Variants in BBS9 observed in about 807,000 individuals in gnomAD.
BBS9 encodes protein PTHB1.
In BBS9, 89 loss-of-function variants were observed where a neutral mutation model predicts 117.7. The ratio of observed to expected loss-of-function variants is 0.76; its 90% CI spans 0.64 to 0.90. The LOEUF (loss-of-function observed/expected upper bound fraction) is 0.90. BBS9 is among the 40% of genes least tolerant of loss of function. The pLI is 0.00. For missense variants in BBS9, 982 were observed against 1,042.2 expected, an observed-to-expected ratio of 0.94 and a Z score of 0.80; for synonymous variants, 379 against 370.9, an observed-to-expected ratio of 1.02 and a Z score of -0.25.
chr7:33,171,759 A>G (rs950299543), intron 4 of BBS9, among the ~76,000 whole-genome samples: 2 of 152,254 alleles, frequency 1.3e-5, no homozygotes, highest in African/African-American at 4.8e-5. Context: ...TTTTATGATT[A>G]TTATTTAATT....
chr7:33,348,791 G>A (rs1818075203), intron 12 of BBS9, among the ~76,000 whole-genome samples: 1 of 152,078 alleles, frequency 6.6e-6, no homozygotes, highest in Admixed American at 6.6e-5. Flanking sequence ...GTGGTTTTTA[G>A]TTTGTATCTC....
At chr7:33,612,231 A>G (rs1021653403) in intron 21 of BBS9, among the ~76,000 whole-genome samples, 3 of 152,044 alleles carry the variant, frequency 2.0e-5, no homozygotes, top group South Asian at 4.1e-4. Context: ...TATGGTGTGT[A>G]ATACTCATCT....
chr7:33,532,430 G>A (rs1304987451), intron 20 of BBS9, among the ~76,000 whole-genome samples: 1 of 152,168 alleles, frequency 6.6e-6, no homozygotes, highest in Non-Finnish European at 1.5e-5. Flanking sequence ...AGGTTTAATT[G>A]ACTCACAGTT....
chr7:33,224,220 G>A (rs1008978103), intron 5 of BBS9, among the ~76,000 whole-genome samples: 2 of 151,854 alleles, frequency 1.3e-5, no homozygotes, highest in African/African-American at 2.4e-5. Flanking sequence ...CCAAAACAAT[G>A]TTGTCAGGTC....
Position 33,536,681 on chromosome 7 carries a change from T to TCCCCCCGCCCCCCGCCTC in BBS9, c.2521+2511_2521+2528dup, listed in dbSNP as rs1851452650. ...TGTAAGCTGTTCTGTGATTCGGCCT[T>TCCCCCCGCCCCCCGCCTC]CCCCCCGCCCCCCGCCTCCCCCCAC... On this transcript the variant is annotated intron_variant, in intron 21 of 22. Transcript: ENST00000242067. Among the ~76,000 whole-genome samples, 162 of 44,232 alleles carry TCCCCCCGCCCCCCGCCTC rather than the reference T, an allele frequency of 3.7e-3. 4 individuals carry two copies. Among genetic ancestry groups the TCCCCCCGCCCCCCGCCTC allele is most frequent in the African/African-American group, 0.012 (130 of 10,684 alleles). The allele number at this position is 44,232 out of a possible 152,430, so 29.0% of individuals were successfully genotyped here.
At chr7:33,148,459 TTCA>T (rs1792768822) in intron 2 of BBS9, among the ~76,000 whole-genome samples, 1 of 152,020 alleles carries the variant, frequency 6.6e-6, no homozygotes, top group African/African-American at 2.4e-5. Flanking sequence ...ACCTCCCGGG[TTCA>T]AGCAATTCTC....
intron 19 of BBS9, among the ~76,000 whole-genome samples, chr7:33,425,752 A>G (rs1021944121): frequency 3.3e-5 from 5 of 152,176 alleles, no homozygotes; most frequent in Admixed American, 2.6e-4. Context: ...CAGAGATGCT[A>G]TTGTCTTACT....
intron 9 of BBS9, among the ~76,000 whole-genome samples, chr7:33,304,446 T>G (rs1401750362): frequency 3.3e-5 from 4 of 121,612 alleles, no homozygotes; most frequent in African/African-American, 1.3e-4. Flanking sequence ...AATTGAGGAG[T>G]GCCTCTGCCC....
At chr7:33,137,727 G>A (rs1040778329) in intron 1 of BBS9, among the ~76,000 whole-genome samples, 46 of 152,114 alleles carry the variant, frequency 3.0e-4, no homozygotes, top group African/African-American at 1.1e-3. Context: ...AGCCCAAATT[G>A]TTGTTTTTTT....
intron 21 of BBS9, among the ~76,000 whole-genome samples, chr7:33,617,992 T>A (rs1159592367): frequency 6.6e-6 from 1 of 152,130 alleles, no homozygotes; most frequent in African/African-American, 2.4e-5. Context: ...TGGGAGTTCA[T>A]CACTACTAGA....
At chr7:33,373,012 A>T (rs1399994779) in intron 17 of BBS9, among the ~76,000 whole-genome samples, 5 of 151,660 alleles carry the variant, frequency 3.3e-5, no homozygotes, top group Non-Finnish European at 7.4e-5. Context: ...TTTTTCTTTT[A>T]TTTGAGTCTT....
chr7:33,436,555 A>G (rs151192115), intron 19 of BBS9, among the ~76,000 whole-genome samples: 63 of 152,312 alleles, frequency 4.1e-4, no homozygotes, highest in Non-Finnish European at 6.3e-4. Flanking sequence ...TTGTTTTTCA[A>G]GTTCAAACCA....
chr7:33,301,633 T>C (rs1806468888), intron 9 of BBS9, among the ~76,000 whole-genome samples: 2 of 152,158 alleles, frequency 1.3e-5, no homozygotes, highest in Admixed American at 6.5e-5. Context: ...AATAATAATA[T>C]TCTATTGTGT....
intron 9 of BBS9, among the ~76,000 whole-genome samples, chr7:33,284,416 G>A (rs1306849319): frequency 6.6e-6 from 1 of 152,020 alleles, no homozygotes; most frequent in Non-Finnish European, 1.5e-5. Flanking sequence ...CCTGATTTTT[G>A]TTTTGTTGTA....
downstream of BBS9, among the ~76,000 whole-genome samples, chr7:33,610,901 A>G (rs965019907): frequency 6.6e-6 from 1 of 152,076 alleles, no homozygotes; most frequent in Non-Finnish European, 1.5e-5. Context: ...TTGTGGAGAG[A>G]TGTTTCACCT....
intron 19 of BBS9, among the ~76,000 whole-genome samples, chr7:33,489,838 A>G (rs1316802758): frequency 6.6e-6 from 1 of 152,192 alleles, no homozygotes; most frequent in Non-Finnish European, 1.5e-5. Flanking sequence ...TTCTATCCCC[A>G]GAATTAAAAT....
chr7:33,627,259 A>G (rs1452144910), intron 21 of BBS9, among the ~76,000 whole-genome samples: 1 of 152,238 alleles, frequency 6.6e-6, no homozygotes, highest in Non-Finnish European at 1.5e-5. Flanking sequence ...TGGTTTCCAC[A>G]CGATGTTAGG....
intron 19 of BBS9, among the ~76,000 whole-genome samples, chr7:33,422,451 T>C (rs1232204361): frequency 6.6e-6 from 1 of 152,210 alleles, no homozygotes; most frequent in African/African-American, 2.4e-5. Context: ...AAAGTGATAT[T>C]TTTTAGTGGT....
At chr7:33,491,096 A>G (rs973382466) in intron 19 of BBS9, among the ~76,000 whole-genome samples, 4 of 152,190 alleles carry the variant, frequency 2.6e-5, no homozygotes, top group African/African-American at 9.6e-5. Flanking sequence ...GGGGAGAGGG[A>G]TCATTGTGTA....
Sources: gnomAD v4.1 joint callset for allele counts (sites outside exome capture counted in the v4.1 genomes callset) on GRCh38, gnomAD v4.1.1 for gene constraint, MANE v1.5 for transcripts, NCBI Gene and HGNC (gene_info 2026-07-23, HGNC 2026-07-21) for gene names.